The following ARID1A variants were observed in gnomAD, a reference collection of about 807,000 sequenced individuals.
ARID1A encodes the protein AT-rich interactive domain-containing protein 1A.
Under a neutral mutation model 212.6 loss-of-function variants are expected in ARID1A, and 20 were observed. The observed-to-expected ratio is 0.09, with a 90% CI of 0.07 to 0.14. ARID1A has a LOEUF of 0.14. Ranked by LOEUF, ARID1A falls within the 10% of genes least tolerant of loss-of-function variation. The pLI, the probability that ARID1A is intolerant of heterozygous loss-of-function variation, is 1.00. For synonymous variants in ARID1A, 1,376 were observed against 1,222.1 expected, an observed-to-expected ratio of 1.13 and a Z score of -2.63; for missense variants, 2,587 against 3,059.0, an observed-to-expected ratio of 0.85 and a Z score of 3.64.
At chr1:26,773,195 C>T (rs1398517934) in intron 14 of ARID1A, 151 bp from the exon 15 acceptor site, 8 of 1,277,128 alleles carry the variant, frequency 6.3e-6, no homozygotes, top group Admixed American at 2.8e-5. Flanking sequence ...ACATGCTTTT[C>T]GCTGGTTGGG....
At chr1:26,744,923 T>C (rs892401799) in intron 4 of ARID1A, among the ~76,000 whole-genome samples, 2 of 148,892 alleles carry the variant, frequency 1.3e-5, no homozygotes, top group African/African-American at 5.0e-5. Flanking sequence ...CCTGGACAAA[T>C]GTATTTAAAG....
intron 4 of ARID1A, among the ~76,000 whole-genome samples, chr1:26,738,921 G>A (rs2080761025): frequency 7.0e-6 from 1 of 143,858 alleles, no homozygotes; most frequent in South Asian, 2.2e-4. Flanking sequence ...GCCCAGGCTG[G>A]AGGGCTGGAG....
chr1:26,729,586 G>T (rs2080652811), intron 1 of ARID1A, 65 bp from the exon 2 acceptor site: 2 of 1,567,712 alleles, frequency 1.3e-6, no homozygotes, highest in Non-Finnish European at 1.8e-6. Flanking sequence ...TGTGTACTTG[G>T]GTTATATATT....
At position 26,697,477 on chromosome 1, in the gene ARID1A, C is replaced by T. The variant is rs896405352; in HGVS notation, c.1074C>T (p.His358=). 1 of 1,402,062 alleles carries T rather than the reference C, an allele frequency of 7.1e-7. No individual in the cohort carries two copies. Among genetic ancestry groups the T allele is most frequent in the Non-Finnish European group, 9.2e-7 (1 of 1,086,128 alleles). 86.9% of individuals were successfully genotyped at this position (1,402,062 alleles called of 1,614,324 possible). ...AASGGAQQRS[H]HAPMSPGSSG... ...CGGGAGGGGCCCAACAAAGGAGCCA[C>T]CACGCGCCCATGAGCCCCGGGAGCA... Residue 358 remains histidine, a synonymous_variant, in exon 1 of 20, where the codon CAC becomes CAT. Coordinates refer to ENST00000324856, the MANE Select transcript of ARID1A (RefSeq NM_006015.6).
chr1:26,724,099 TAA>T (rs2080593600), intron 1 of ARID1A, among the ~76,000 whole-genome samples: 1 of 152,154 alleles, frequency 6.6e-6, no homozygotes, highest in Non-Finnish European at 1.5e-5. Flanking sequence ...TTATTATTAT[TAA>T]AAGTCATATA....
rs1299430517 is a variant in ARID1A, at chr1:26,761,191, C to T, written c.2161+95C>T. The T allele has an allele frequency of 1.6e-5, 25 of 1,540,058 alleles. No individual in the cohort carries two copies. The East Asian group carries it at 5.5e-4, about 34-fold the overall frequency. ...TCTTCCACTGGCAGAGAAAGCATCT[C>T]TGGCTCATGCCTGCATAGTTTCCCC... On this transcript the variant is annotated intron_variant, in intron 5 of 19. Transcript: ENST00000324856.
At chr1:26,723,528 G>A (rs747360563) in intron 1 of ARID1A, among the ~76,000 whole-genome samples, 11 of 152,106 alleles carry the variant, frequency 7.2e-5, no homozygotes, top group African/African-American at 2.7e-4. Flanking sequence ...TGTTCTCTCG[G>A]CTCTTTCTGG....
rs367889013 is a variant in ARID1A, at chr1:26,761,058, A to C, written c.2123A>C (p.Gln708Pro). Residue 708 changes from glutamine to proline, a missense_variant, in exon 5 of 20, where the codon CAG becomes CCG. Coordinates refer to ENST00000324856, the MANE Select transcript of ARID1A (RefSeq NM_006015.6). ...GTTGGCTCTCCCGCCAGTGTTGCTC[A>C]GTCTCGCTCAGGACCACTCTCGCCT... ...SPVGSPASVA[Q>P]SRSGPLSPAA... 1.5e-3 allele frequency: 2,350 copies of C among 1,614,050 alleles called. 44 individuals are homozygous for C. The South Asian group carries it at 0.024, about 17-fold the overall frequency.
chr1:26,772,747 G>A lies in ARID1A; in HGVS notation c.3540-65G>A, dbSNP rs974096902. On this transcript the variant is annotated intron_variant, in intron 13 of 19. Transcript: ENST00000324856. ...TGCCTTCCCAGCCAGTGACTCCTGCGTGTCCTTTGTTATATTGGAGGAATT... is the reference window on the plus strand; with the variant it reads ...TGCCTTCCCAGCCAGTGACTCCTGCATGTCCTTTGTTATATTGGAGGAATT... 46 of 1,605,978 alleles carry A rather than the reference G, an allele frequency of 2.9e-5. No individual in the cohort carries two copies. The Middle Eastern group carries it at 1.2e-3, about 41-fold the overall frequency.
intron 4 of ARID1A, among the ~76,000 whole-genome samples, chr1:26,758,738 G>T (rs1172625194): frequency 6.6e-6 from 1 of 152,112 alleles, no homozygotes; most frequent in Non-Finnish European, 1.5e-5. Flanking sequence ...GATGTCCTTT[G>T]CTGTTACCTT....
rs113057614 is a variant in ARID1A at position 26,720,900 on chromosome 1, C to T, written c.1138-8751C>T. ...GAAAAAAAAAAAAAGATTCCTGGCC[C>T]GGCCCCCATCCCAGACCTGCTAATT... On this transcript the variant is annotated intron_variant, in intron 1 of 19. Coordinates refer to ENST00000324856, the MANE Select transcript of ARID1A (RefSeq NM_006015.6). 7.9e-5 allele frequency among the ~76,000 whole-genome samples: 12 copies of T among 151,762 alleles called. 1 individual carries two copies. Among genetic ancestry groups the T allele is most frequent in the East Asian group, 5.8e-4 (3 of 5,152 alleles).
rs2081040907 is a variant in ARID1A, at chr1:26,766,501, T to C, written c.2923T>C (p.Leu975=). The C allele has an allele frequency of 6.2e-7, 1 of 1,614,110 alleles. No individual in the cohort carries two copies. The highest frequency in any genetic ancestry group is 1.1e-5 in the South Asian group (1 of 91,070). Residue 975 remains leucine (L), a synonymous_variant, in exon 10 of 20, where the codon TTA becomes CTA. Coordinates refer to ENST00000324856, the MANE Select transcript of ARID1A (RefSeq NM_006015.6). Reference sequence around the variant, plus strand: ...GATGATGGGCCTTGGGGATGTAAAGTTAACTCCAGCCACCAAAATGAACAA... The same window carrying C: ...GATGATGGGCCTTGGGGATGTAAAGCTAACTCCAGCCACCAAAATGAACAA... ...PEMMGLGDVK[L]TPATKMNNKA...
chr1:26,736,915 A>C (rs1329331130), intron 4 of ARID1A, among the ~76,000 whole-genome samples: 2 of 150,860 alleles, frequency 1.3e-5, no homozygotes, highest in African/African-American at 2.5e-5. Flanking sequence ...AAAAAAAAAA[A>C]AAAAAAACCC....
At chr1:26,732,035 C>T (rs1165873784) in intron 3 of ARID1A, among the ~76,000 whole-genome samples, 1 of 152,116 alleles carries the variant, frequency 6.6e-6, no homozygotes, top group Non-Finnish European at 1.5e-5. Flanking sequence ...ATACTTGGAT[C>T]CCTTCATTTG....
Position 26,774,968 on chromosome 1 carries a change from C to T in ARID1A, c.4741C>T (p.His1581Tyr), listed in dbSNP as rs2124121942. The change falls in exon 18 of 20, where the codon CAC becomes TAC. Residue 1581 changes from histidine to tyrosine, a missense_variant. Physicochemically the swap from His to Tyr is moderately conservative, Grantham distance 83. Coordinates refer to ENST00000324856, the MANE Select transcript of ARID1A (RefSeq NM_006015.6). This position sits in a 1 kb window ranked among gnomAD's most constrained non-coding sequence, Gnocchi z 5.6. ...CCAGCCCCCACCAAGCATGCAGAAT[C>T]ACATTCCTCAGGTATCCAGCCCTGC... ...NYQPPPSMQN[H>Y]IPQVSSPAPL... is the part of the protein sequence containing the mutation. 6.5e-7 allele frequency: 1 copy of T among 1,536,462 alleles called. No individual in the cohort carries two copies. The highest frequency in any genetic ancestry group is 2.0e-5 in the Admixed American group (1 of 50,366).
rs1414200123 is a variant in ARID1A, at chr1:26,697,491, G to T, written c.1088G>T (p.Ser363Ile). The change falls in exon 1 of 20, where the codon AGC (serine) becomes ATC (isoleucine). Residue 363 changes from serine to isoleucine, a missense_variant. Ser to Ile is a moderately radical substitution (Grantham distance 142, BLOSUM62 -2). Transcript: ENST00000324856. Reference sequence around the variant, plus strand: ...CAAAGGAGCCACCACGCGCCCATGAGCCCCGGGAGCAGCGGCGGCGGGGGG... The same window carrying T: ...CAAAGGAGCCACCACGCGCCCATGATCCCCGGGAGCAGCGGCGGCGGGGGG... ...AQQRSHHAPMSPGSSGGGGQP... is the reference protein window; with the variant it reads ...AQQRSHHAPMIPGSSGGGGQP... The T allele has an allele frequency of 1.4e-6, 2 of 1,403,642 alleles. No homozygotes were observed. Among genetic ancestry groups the T allele is most frequent in the Non-Finnish European group, 1.8e-6 (2 of 1,086,448 alleles). The allele number at this position is 1,403,642 out of a possible 1,614,324, so 86.9% of individuals were successfully genotyped here. A position where few individuals can be genotyped will look rare whatever the true frequency, so the allele number is the denominator to read the frequency against.
rs1192187573 is a variant in ARID1A at position 26,780,012 on chromosome 1, C to T, written c.6114C>T (p.Asp2038=). The change falls in exon 20 of 20, where the codon GAC becomes GAT. Residue 2038 remains aspartate, a synonymous_variant. Coordinates refer to ENST00000324856, the MANE Select transcript of ARID1A (RefSeq NM_006015.6). The surrounding 1 kb of genome is among the most constrained non-coding windows in gnomAD (Gnocchi z 7.2). ...PLTYEKEEEQ[D]QGVSCNKVEW... ...CTTATGAAAAGGAGGAGGAACAGGACCAAGGGGTGAGCTGCAACAAAGTGG... is the reference window on the plus strand; with the variant it reads ...CTTATGAAAAGGAGGAGGAACAGGATCAAGGGGTGAGCTGCAACAAAGTGG... 5.0e-6 allele frequency: 8 copies of T among 1,614,014 alleles called. No individual in the cohort carries two copies. Among genetic ancestry groups the T allele is most frequent in the African/African-American group, 4.0e-5 (3 of 74,900 alleles).
chr1:26,772,846 A>G lies in ARID1A; in HGVS notation c.3574A>G (p.Asn1192Asp), dbSNP rs2124106797. The change falls in exon 14 of 20, where the codon AAT becomes GAT. Residue 1192 changes from asparagine (N) to aspartate (D), a missense_variant. Asn to Asp is a conservative substitution (Grantham distance 23). Around this residue, in one of 11 missense-constraint regions of ARID1A, gnomAD observed 890 missense variants for 1,098.2 expected, o/e 0.81. Coordinates refer to ENST00000324856, the MANE Select transcript of ARID1A (RefSeq NM_006015.6). ...TTCAGTTGGGATCCAGGATGCCTTTAATGATGGAAGTGACTCCACATTCCA... is the reference window on the plus strand; with the variant it reads ...TTCAGTTGGGATCCAGGATGCCTTTGATGATGGAAGTGACTCCACATTCCA... ...SNSVGIQDAFNDGSDSTFQKR... is the reference protein window; with the variant it reads ...SNSVGIQDAFDDGSDSTFQKR... 6.2e-7 allele frequency: 1 copy of G among 1,614,108 alleles called. No homozygotes were observed. The highest frequency in any genetic ancestry group is 1.7e-4 in the Middle Eastern group (1 of 6,060).
chr1:26,712,004 A>G (rs2080459148), intron 1 of ARID1A, among the ~76,000 whole-genome samples: 1 of 152,002 alleles, frequency 6.6e-6, no homozygotes, highest in African/African-American at 2.4e-5. Flanking sequence ...TCACTTGAGC[A>G]AGGAAGGCTG....
Sources: gnomAD v4.1 joint callset for allele counts (sites outside exome capture counted in the v4.1 genomes callset) on GRCh38, gnomAD v4.1.1 for gene constraint, gnomAD v4.1.1 regional missense constraint, Gnocchi (gnomAD v3.1) non-coding constraint, MANE v1.5 for transcripts, NCBI Gene and HGNC (gene_info 2026-07-23, HGNC 2026-07-21) for gene names.